Variants in KLHL14 observed in about 807,000 individuals in gnomAD.
The protein encoded by KLHL14 is kelch-like protein 14.
Under a neutral mutation model 64.3 loss-of-function variants are expected in KLHL14, and 22 were observed. That is an observed-to-expected ratio of 0.34 (90% CI 0.24 to 0.49). The LOEUF (loss-of-function observed/expected upper bound fraction) is 0.49. Among genes scored for constraint, KLHL14 ranks in the 20% least tolerant of loss-of-function variants. The probability of loss-of-function intolerance (pLI) is 0.99; values close to 1 mark genes in which losing one functional copy is unlikely to be tolerated. For synonymous variants in KLHL14, 322 were observed against 333.4 expected, an observed-to-expected ratio of 0.97 and a Z score of 0.37; for missense variants, 661 against 789.0, an observed-to-expected ratio of 0.84 and a Z score of 1.94.
chr18:32,689,723 T>C (rs1292472960), intron 4 of KLHL14, among the ~76,000 whole-genome samples: 5 of 152,116 alleles, frequency 3.3e-5, no homozygotes, highest in Non-Finnish European at 7.4e-5. Context: ...GACTTTAGGA[T>C]TGGGGCAGAA....
intron 4 of KLHL14, among the ~76,000 whole-genome samples, chr18:32,693,254 C>T (rs376167431): frequency 2.6e-5 from 4 of 152,110 alleles, no homozygotes; most frequent in African/African-American, 9.6e-5. Context: ...TTAGGTGAGC[C>T]CAGCCCATGG....
chr18:32,675,814 A>G (rs930135060), intron 8 of KLHL14, among the ~76,000 whole-genome samples: 3 of 152,216 alleles, frequency 2.0e-5, no homozygotes, highest in African/African-American at 7.2e-5. Flanking sequence ...AACAATTTGT[A>G]CAAGCAAACA....
chr18:32,738,743 G>A (rs897823780), intron 3 of KLHL14: 1 of 152,038 alleles, frequency 6.6e-6, no homozygotes, highest in East Asian at 1.9e-4. Flanking sequence ...ACAACTGGTT[G>A]GCCGACTATT....
At chr18:32,705,050 G>A (rs1050110711) in intron 3 of KLHL14, among the ~76,000 whole-genome samples, 1 of 152,196 alleles carries the variant, frequency 6.6e-6, no homozygotes, top group African/African-American at 2.4e-5. Context: ...TCATTACTGG[G>A]AAAAGGCACA....
In KLHL14 at chr18:32,680,517, C is replaced by T. The variant is rs755190504; in HGVS notation, c.1321G>A (p.Val441Met). 18 of 1,613,726 alleles carry T rather than the reference C, an allele frequency of 1.1e-5. No individual in the cohort carries two copies. The highest frequency in any genetic ancestry group is 1.6e-4 in the Middle Eastern group (1 of 6,080). ...TTCGTTTCTAGGTTATAGCACTCCA[C>T]GCTGGACAAGTAGCCAGTTTCATTC... ...GRNETGYLSS[V>M]ECYNLETNEW... is the part of the protein sequence containing the mutation. The change falls in exon 6 of 9, where the codon GTG (valine) becomes ATG (methionine). Residue 441 changes from valine (V) to methionine (M), a missense_variant. By Grantham distance (21) the Val-to-Met change is conservative. Coordinates refer to ENST00000359358, the MANE Select transcript of KLHL14 (RefSeq NM_020805.3). This position sits in a 1 kb window ranked among gnomAD's most constrained non-coding sequence, Gnocchi z 4.8.
intron 3 of KLHL14, among the ~76,000 whole-genome samples, chr18:32,697,986 T>C (rs2049944998): frequency 6.6e-6 from 1 of 152,186 alleles, no homozygotes; most frequent in African/African-American, 2.4e-5. Context: ...TTACTGTGAA[T>C]TGAGAGGCTA....
intron 2 of KLHL14, among the ~76,000 whole-genome samples, chr18:32,759,708 TC>T (rs1191696748): frequency 2.6e-5 from 4 of 151,938 alleles, no homozygotes; most frequent in African/African-American, 9.7e-5. Flanking sequence ...TCTCTCTCTC[TC>T]TCTCTCTCTC....
intron 2 of KLHL14, among the ~76,000 whole-genome samples, chr18:32,756,563 T>C (rs903457532): frequency 3.3e-5 from 5 of 152,186 alleles, no homozygotes; most frequent in African/African-American, 1.2e-4. Flanking sequence ...GAGGGGCTCT[T>C]TCCTGCACAA....
chr18:32,766,655 G>C (rs1288020383), intron 2 of KLHL14, among the ~76,000 whole-genome samples: 1 of 152,002 alleles, frequency 6.6e-6, no homozygotes, highest in Non-Finnish European at 1.5e-5. Flanking sequence ...TTACTTATGT[G>C]TGTATTTGAA....
rs541498407 is a variant in KLHL14, at chr18:32,748,166, G to A, written c.948-6117C>T. Among the ~76,000 whole-genome samples, 9 of 152,234 alleles carry A rather than the reference G, an allele frequency of 5.9e-5. No homozygotes were observed. In the South Asian group the frequency reaches 1.9e-3, roughly 32 times the overall value. Reference sequence around the variant, plus strand: ...AGCTAAGGTGAGATGCCTGGTTTCAGCTGTTCTAAGTGAACGTAGGCTGGC... The same window carrying A: ...AGCTAAGGTGAGATGCCTGGTTTCAACTGTTCTAAGTGAACGTAGGCTGGC... On this transcript the variant is annotated intron_variant, in intron 2 of 8. Coordinates refer to ENST00000359358, the MANE Select transcript of KLHL14 (RefSeq NM_020805.3).
chr18:32,704,994 C>A (rs1371833566), intron 3 of KLHL14, among the ~76,000 whole-genome samples: 4 of 152,176 alleles, frequency 2.6e-5, no homozygotes, highest in Non-Finnish European at 2.9e-5. Flanking sequence ...TAAGCTTAAT[C>A]ATGATTCCGA....
intron 8 of KLHL14, among the ~76,000 whole-genome samples, chr18:32,676,703 T>C (rs77787767): frequency 0.026 from 3,920 of 152,276 alleles, 55 homozygotes; most frequent in Middle Eastern, 0.048. Context: ...TGAAGTCCCA[T>C]TCTAATCTCG....
At chr18:32,677,137 G>A (rs779570354) in intron 8 of KLHL14, 36 bp downstream of exon 8, 3 of 1,590,914 alleles carry the variant, frequency 1.9e-6, no homozygotes, top group Non-Finnish European at 2.6e-6. Flanking sequence ...AAGCACAAAC[G>A]AAATAAAGGA....
chr18:32,716,224 A>G (rs1001134055), intron 3 of KLHL14, among the ~76,000 whole-genome samples: 5 of 152,032 alleles, frequency 3.3e-5, no homozygotes, highest in African/African-American at 1.2e-4. Context: ...TAATATTATT[A>G]TTTCTTCAGT....
intron 3 of KLHL14, among the ~76,000 whole-genome samples, chr18:32,700,305 C>A (rs2049958813): frequency 6.6e-6 from 1 of 151,984 alleles, no homozygotes; most frequent in Non-Finnish European, 1.5e-5. Context: ...CATAAGCTTG[C>A]AAAACTGTCA....
intron 3 of KLHL14, among the ~76,000 whole-genome samples, chr18:32,718,946 ACTTT>A (rs1210802204): frequency 3.3e-5 from 5 of 152,010 alleles, no homozygotes; most frequent in African/African-American, 4.8e-5. Context: ...GGGAACATGA[ACTTT>A]CTTTCTTTTT....
intron 3 of KLHL14, among the ~76,000 whole-genome samples, chr18:32,704,041 C>G (rs6506980): frequency 0.37 from 56,897 of 151,944 alleles, 12,782 homozygotes; most frequent in African/African-American, 0.63. Flanking sequence ...GTATCATTCT[C>G]ATACTTTTTA....
At chr18:32,676,882 C>T (rs1341511832) in intron 8 of KLHL14, among the ~76,000 whole-genome samples, 1 of 152,110 alleles carries the variant, frequency 6.6e-6, no homozygotes, top group Non-Finnish European at 1.5e-5. Flanking sequence ...AACTGCAGAA[C>T]ATTTGTAAAA....
chr18:32,720,642 G>A lies in KLHL14; in HGVS notation c.1069+21286C>T, dbSNP rs2050073833. Among the ~76,000 whole-genome samples, 4 of 152,158 alleles carry A rather than the reference G, an allele frequency of 2.6e-5. No individual in the cohort carries two copies. The South Asian group carries it at 8.3e-4, about 32-fold the overall frequency. ...TGTTCAGGATGCGAAGGGGGCTTGG[G>A]ATGACATGCGGCCAAACACTAATGC... On this transcript the variant is annotated intron_variant, in intron 3 of 8. Coordinates refer to ENST00000359358, the MANE Select transcript of KLHL14 (RefSeq NM_020805.3).
Sources: gnomAD v4.1 joint callset for allele counts (sites outside exome capture counted in the v4.1 genomes callset) on GRCh38, gnomAD v4.1.1 for gene constraint, Gnocchi (gnomAD v3.1) non-coding constraint, MANE v1.5 for transcripts, NCBI Gene and HGNC (gene_info 2026-07-23, HGNC 2026-07-21) for gene names.